NRAP: variants seen among roughly 807,000 people sequenced by gnomAD.
NRAP encodes nebulin related anchoring protein, also known as nebulin-related-anchoring protein.
A neutral mutation model predicts 225.9 loss-of-function variants in NRAP; 189 were observed. The observed-to-expected ratio is 0.84, with a 90% confidence interval of 0.74 to 0.94. The LOEUF (loss-of-function observed/expected upper bound fraction) is 0.94. Among genes scored for constraint, NRAP ranks in the 40% least tolerant of loss-of-function variants. The pLI is 0.00. For missense variants in NRAP, 2,176 were observed against 2,168.7 expected (o/e 1.00, Z -0.07); for synonymous variants, 769 against 790.7 (o/e 0.97, Z 0.46).
chr10:113,655,234 G>A (rs145369221), intron 4 of NRAP, among the ~76,000 whole-genome samples: 165 of 152,240 alleles, frequency 1.1e-3, no homozygotes, highest in African/African-American at 3.7e-3. Flanking sequence ...AGTATAAAAT[G>A]TACAGCTATT....
chr10:113,663,901 A>C lies in NRAP; in HGVS notation c.-19T>G, dbSNP rs1850857505. 6.2e-7 allele frequency: 1 copy of C among 1,604,948 alleles called. No homozygotes were observed. Among genetic ancestry groups the C allele is most frequent in the Admixed American group, 1.7e-5 (1 of 59,982 alleles). ...CATTCATCTCGAAGCCGGAAGAGAGAGGACAAAGATAGGCAACAGGCAAGA... is the reference window on the plus strand; with the variant it reads ...CATTCATCTCGAAGCCGGAAGAGAGCGGACAAAGATAGGCAACAGGCAAGA... On this transcript the variant is annotated 5_prime_UTR_variant, in exon 1 of 42. Coordinates refer to ENST00000359988, the MANE Select transcript of NRAP (RefSeq NM_198060.4).
intron 38 of NRAP, among the ~76,000 whole-genome samples, chr10:113,595,419 A>G (rs1275990502): frequency 6.6e-6 from 1 of 152,048 alleles, no homozygotes; most frequent in Non-Finnish European, 1.5e-5. Context: ...TCAGCCCATT[A>G]CCATTTTGCA....
At chr10:113,626,301 C>T (rs1476593076) in intron 20 of NRAP, among the ~76,000 whole-genome samples, 156 bp from the exon 21 acceptor site, 1 of 152,234 alleles carries the variant, frequency 6.6e-6, no homozygotes, top group East Asian at 1.9e-4. Flanking sequence ...CAGAACCACA[C>T]AGCCCTGAGA....
At chr10:113,631,719 G>T in intron 17 of NRAP, 109 bp from the exon 18 acceptor site, 2 of 898,304 alleles carry the variant, frequency 2.2e-6, no homozygotes, top group Admixed American at 2.1e-5. Context: ...ACACCTCCCA[G>T]TCTTTCACAA....
chr10:113,615,665 C>T, intron 27 of NRAP, 47 bp downstream of exon 27: 1 of 1,044,088 alleles, frequency 9.6e-7, no homozygotes, highest in Non-Finnish European at 1.5e-6. Flanking sequence ...CCATGACCAG[C>T]CCCGCTCTCC....
chr10:113,589,170 G>A lies in NRAP; in HGVS notation c.5089-91C>T, dbSNP rs1337308706. The A allele has an allele frequency of 8.7e-6, 9 of 1,035,720 alleles. No individual in the cohort carries two copies. The East Asian group carries it at 2.0e-4, about 22-fold the overall frequency. 64.2% of individuals were successfully genotyped at this position (1,035,720 alleles called of 1,614,324 possible). ...CCCACAGGACACGCTAAGAAGCACA[G>A]GGAGCATTTAACAGGCTCACCCTCC... On this transcript the variant is annotated intron_variant, in intron 41 of 41. Transcript: ENST00000359988.
At chr10:113,623,322 T>C (rs1230641834) in intron 23 of NRAP, among the ~76,000 whole-genome samples, 1 of 152,224 alleles carries the variant, frequency 6.6e-6, no homozygotes. Flanking sequence ...CATCACTTAC[T>C]GAAAATCAGT....
In NRAP at chr10:113,657,666, C is replaced by G. The variant is rs1850390603; in HGVS notation, c.256-92G>C. ...TCCTAGCTAAAATTGGGGGATTTTG[C>G]TAAGTCTCAACTGCAAAGCATCTTC... On this transcript the variant is annotated intron_variant, in intron 3 of 41. Transcript: ENST00000359988. 3.9e-6 allele frequency: 3 copies of G among 776,906 alleles called. No individual in the cohort carries two copies. In the East Asian group the frequency reaches 7.9e-5, roughly 20 times the overall value. 48.1% of individuals were successfully genotyped at this position (776,906 alleles called of 1,614,324 possible). A position where few individuals can be genotyped will look rare whatever the true frequency, so the allele number is the denominator to read the frequency against.
Position 113,631,528 on chromosome 10 carries a change from A to G in NRAP, c.1823T>C (p.Ile608Thr), listed in dbSNP as rs867292545. The G allele has an allele frequency of 5.0e-6, 8 of 1,607,174 alleles. No individual in the cohort carries two copies. The Middle Eastern group carries it at 5.0e-4, about 100-fold the overall frequency. Residue 608 changes from isoleucine (I) to threonine (T), a missense_variant, in exon 18 of 42, where the codon ATT becomes ACT. By Grantham distance (89) the Ile-to-Thr change is moderately conservative. Coordinates refer to ENST00000359988, the MANE Select transcript of NRAP (RefSeq NM_198060.4). ...ADSRLLHSLQ[I>T]AKMSSEVEYK... is the part of the protein sequence containing the mutation. ...GTTTACCTCACTGCTCATCTTAGCA[A>G]TCTGCAGGGAGTGCAGAAGCCTAGA...
chr10:113,590,694 T>C lies in NRAP; in HGVS notation c.4840A>G (p.Arg1614Gly). ...TDQPGLLQAKRSQQLASDVHY... is the reference protein window; with the variant it reads ...TDQPGLLQAKGSQQLASDVHY... Reference sequence around the variant, plus strand: ...ACATCACTGGCCAGCTGCTGGCTCCTCTTGGCCTGAAGGAGGCCGGGCTGG... The same window carrying C: ...ACATCACTGGCCAGCTGCTGGCTCCCCTTGGCCTGAAGGAGGCCGGGCTGG... Residue 1614 changes from arginine (R) to glycine (G), a missense_variant, in exon 40 of 42, where the codon AGG (arginine) becomes GGG (glycine). Arg to Gly is a moderately radical substitution (Grantham distance 125). Transcript: ENST00000359988. The C allele has an allele frequency of 6.2e-7, 1 of 1,614,202 alleles. No homozygotes were observed. The highest frequency in any genetic ancestry group is 2.2e-5 in the East Asian group (1 of 44,876).
intron 3 of NRAP, among the ~76,000 whole-genome samples, chr10:113,658,557 A>C (rs1850454181): frequency 6.6e-6 from 1 of 152,142 alleles, no homozygotes; most frequent in African/African-American, 2.4e-5. Context: ...AAGATATCAA[A>C]ATTTATTAGG....
At chr10:113,608,347 TC>T (rs1186218691) in intron 32 of NRAP, 66 bp downstream of exon 32, 22 of 950,494 alleles carry the variant, frequency 2.3e-5, no homozygotes, top group South Asian at 4.3e-5. Context: ...CCAAACACAT[TC>T]ACGTGTATTT....
chr10:113,642,923 T>TA lies in NRAP; in HGVS notation c.1215+10dup, dbSNP rs1331369613. ...CAGTGCCCAAACAAAAGCTTAGCGT[T>TA]AACAACTCACATCACTGGTAAATTT... On this transcript the variant is annotated intron_variant, in intron 12 of 41. Coordinates refer to ENST00000359988, the MANE Select transcript of NRAP (RefSeq NM_198060.4). 1 of 1,479,994 alleles carries TA rather than the reference T, an allele frequency of 6.8e-7. No individual in the cohort carries two copies. The highest frequency in any genetic ancestry group is 1.4e-5 in the African/African-American group (1 of 72,164). 91.7% of individuals were successfully genotyped at this position (1,479,994 alleles called of 1,614,324 possible). A position where few individuals can be genotyped will look rare whatever the true frequency, so the allele number is the denominator to read the frequency against.
chr10:113,639,535 T>G (rs3121463), intron 14 of NRAP, among the ~76,000 whole-genome samples: 133,221 of 152,278 alleles, frequency 0.87, 58,345 homozygotes, highest in East Asian at 0.9. Context: ...GATAACCTTC[T>G]CTGGCAACCA....
At chr10:113,632,591 G>A (rs944047021) in intron 16 of NRAP, among the ~76,000 whole-genome samples, 2 of 145,994 alleles carry the variant, frequency 1.4e-5, no homozygotes, top group Admixed American at 1.3e-4. Flanking sequence ...TACCTTCTAG[G>A]ACTTATGATA....
In NRAP at chr10:113,608,511, C is replaced by T; in HGVS notation, c.3605G>A (p.Ser1202Asn). Residue 1202 changes from serine to asparagine, a missense_variant and splice_region_variant, in exon 32 of 42, where the codon AGT becomes AAT. Ser to Asn is a conservative substitution (Grantham distance 46). This residue lies in a region of NRAP where 1,708 missense variants were observed against 1,695.5 expected (regional missense o/e 1.01). Transcript: ENST00000359988. ...TGAGTGGGGATGCTGCCGATATTTA[C>T]TCTGAATTCACACACAAGAAGGGAA... ...RKKASELISE[S>N]KYRQHPHSFK... The T allele has an allele frequency of 6.2e-7, 1 of 1,601,798 alleles. No homozygotes were observed. Among genetic ancestry groups the T allele is most frequent in the Non-Finnish European group, 8.5e-7 (1 of 1,169,686 alleles).
chr10:113,652,486 T>C (rs1850037341), intron 6 of NRAP, among the ~76,000 whole-genome samples: 1 of 151,646 alleles, frequency 6.6e-6, no homozygotes, highest in Non-Finnish European at 1.5e-5. Flanking sequence ...CTACTAAAAA[T>C]ACAAAAAAAT....
rs919337306 is a variant in NRAP, at chr10:113,604,627, G to T, written c.4209C>A (p.Ala1403=). Reference sequence around the variant, plus strand: ...CCCCTACCTCACTCTGCAGGGCATGGGCTTTCTTGGCCCAGGCCATCTTCA... The same window carrying T: ...CCCCTACCTCACTCTGCAGGGCATGTGCTTTCTTGGCCCAGGCCATCTTCA... ...EDLKMAWAKK[A]HALQSELRYK... The change falls in exon 35 of 42, where the codon GCC becomes GCA. Residue 1403 remains alanine, a synonymous_variant. Transcript: ENST00000359988. 2.5e-6 allele frequency: 4 copies of T among 1,613,636 alleles called. No homozygotes were observed. The African/African-American group carries it at 5.3e-5, about 22-fold the overall frequency.
In NRAP at chr10:113,622,078, G is replaced by T; in HGVS notation, c.2560C>A (p.Leu854Met). ...TTCTTGTACTCCAGCTCACTCTGCA[G>T]CTTGGACATTTGCAGTGAGTGGCTC... ...QMSHSLQMSK[L>M]QSELEYKKGF... Residue 854 changes from leucine to methionine, a missense_variant, in exon 24 of 42, where the codon CTG (leucine) becomes ATG (methionine). By Grantham distance (15) the Leu-to-Met change is conservative (BLOSUM62 2). Coordinates refer to ENST00000359988, the MANE Select transcript of NRAP (RefSeq NM_198060.4). 5 of 1,614,148 alleles carry T rather than the reference G, an allele frequency of 3.1e-6. No homozygotes were observed. Among genetic ancestry groups the T allele is most frequent in the Non-Finnish European group, 4.2e-6 (5 of 1,179,968 alleles).
Sources: gnomAD v4.1 joint callset for allele counts (sites outside exome capture counted in the v4.1 genomes callset) on GRCh38, gnomAD v4.1.1 for gene constraint, gnomAD v4.1.1 regional missense constraint, MANE v1.5 for transcripts, NCBI Gene and HGNC (gene_info 2026-07-23, HGNC 2026-07-21) for gene names.